ATP8B4: variants seen among roughly 807,000 people sequenced by gnomAD.
ATP8B4 encodes the protein ATPase phospholipid transporting 8B4 (putative), also known as probable phospholipid-transporting ATPase IM.
In ATP8B4, 133 loss-of-function variants were observed where a neutral mutation model predicts 145.6. The observed-to-expected ratio is 0.91, with a 90% confidence interval of 0.79 to 1.05. The LOEUF (loss-of-function observed/expected upper bound fraction) is 1.05. Among genes scored for constraint, ATP8B4 ranks in the 50% least tolerant of loss-of-function variants. The pLI is 0.00. For synonymous variants in ATP8B4, 507 were observed against 492.9 expected, an observed-to-expected ratio of 1.03 and a Z score of -0.38; for missense variants, 1,458 against 1,425.2, an observed-to-expected ratio of 1.02 and a Z score of -0.37.
intron 1 of ATP8B4, among the ~76,000 whole-genome samples, chr15:50,153,609 T>A (rs2044375397): frequency 6.6e-6 from 1 of 151,558 alleles, no homozygotes; most frequent in Non-Finnish European, 1.5e-5. Flanking sequence ...AGTGCTGGGA[T>A]TACAGGCATG....
At chr15:49,938,331 C>T (rs1450270483) in intron 14 of ATP8B4, among the ~76,000 whole-genome samples, 1 of 152,076 alleles carries the variant, frequency 6.6e-6, no homozygotes, top group Non-Finnish European at 1.5e-5. Context: ...ACTTAAAAGG[C>T]ACACAGAGGC....
intron 2 of ATP8B4, among the ~76,000 whole-genome samples, chr15:50,091,978 G>A (rs934769335): frequency 3.9e-5 from 6 of 151,976 alleles, no homozygotes; most frequent in South Asian, 2.1e-4. Flanking sequence ...GCCAAGATCC[G>A]GAAGAAAAGA....
intron 1 of ATP8B4, among the ~76,000 whole-genome samples, chr15:50,137,253 T>C (rs6493405): frequency 0.99 from 150,476 of 152,336 alleles, 74,342 homozygotes; most frequent in East Asian, 1. Context: ...CCAAGTGGAG[T>C]TACCTAATAT....
At chr15:50,129,946 C>CAAAAAAAAAAAAA (rs59921497) in intron 1 of ATP8B4, among the ~76,000 whole-genome samples, 8 of 88,106 alleles carry the variant, frequency 9.1e-5, no homozygotes, top group Non-Finnish European at 1.3e-4. Flanking sequence ...GACTCTGACT[C>CAAAAAAAAAAAAA]AAAAAAAAAA....
At chr15:49,905,683 T>C (rs1020260094) in intron 20 of ATP8B4, among the ~76,000 whole-genome samples, 2 of 152,158 alleles carry the variant, frequency 1.3e-5, no homozygotes, top group African/African-American at 4.8e-5. Flanking sequence ...AAATATTGAG[T>C]CTAGCTGGAA....
In ATP8B4 at chr15:49,932,907, T is replaced by C. The variant is rs2041393098; in HGVS notation, c.1453+1110A>G. On this transcript the variant is annotated intron_variant, in intron 15 of 27. Transcript: ENST00000284509. Reference sequence around the variant, plus strand: ...GCCTAAATAGAACCCTCCTTATAATTGGAAGGGAAAAAAATATCTGCCAAG... The same window carrying C: ...GCCTAAATAGAACCCTCCTTATAATCGGAAGGGAAAAAAATATCTGCCAAG... 2.6e-5 allele frequency among the ~76,000 whole-genome samples: 4 copies of C among 152,066 alleles called. No individual in the cohort carries two copies. In the South Asian group the frequency reaches 8.3e-4, roughly 32 times the overall value.
Position 49,923,536 on chromosome 15 carries a change from T to C in ATP8B4, c.1643-42A>G, listed in dbSNP as rs372681910. 384 of 1,350,514 alleles carry C rather than the reference T, an allele frequency of 2.8e-4. 1 individual carries two copies. Among genetic ancestry groups the C allele is most frequent in the Non-Finnish European group, 3.9e-4 (376 of 965,198 alleles). 83.7% of individuals were successfully genotyped at this position (1,350,514 alleles called of 1,614,324 possible). A position where few individuals can be genotyped will look rare whatever the true frequency, so the allele number is the denominator to read the frequency against. ...TTGGAAAAGCAGAATATAATCAACG[T>C]CATACATCAAAATTAGATTCTCCCA... On this transcript the variant is annotated intron_variant, in intron 16 of 27. Transcript: ENST00000284509.
At chr15:49,968,135 T>C (rs2044724880) in intron 13 of ATP8B4, among the ~76,000 whole-genome samples, 1 of 152,028 alleles carries the variant, frequency 6.6e-6, no homozygotes, top group African/African-American at 2.4e-5. Flanking sequence ...GCACTAAATA[T>C]GGAAAGGAAA....
At chr15:50,114,676 T>A (rs924311325) in intron 1 of ATP8B4, among the ~76,000 whole-genome samples, 1 of 152,168 alleles carries the variant, frequency 6.6e-6, no homozygotes, top group Non-Finnish European at 1.5e-5. Flanking sequence ...TCCAGTTTTC[T>A]CCTCTGTGGA....
At chr15:50,157,907 G>A (rs865839483) in intron 1 of ATP8B4, among the ~76,000 whole-genome samples, 6 of 151,470 alleles carry the variant, frequency 4.0e-5, no homozygotes, top group East Asian at 2.0e-4. Context: ...GGCGCGTGCC[G>A]CCACGCCTGA....
chr15:50,018,512 C>G (rs2049277257), intron 6 of ATP8B4, among the ~76,000 whole-genome samples: 1 of 152,182 alleles, frequency 6.6e-6, no homozygotes, highest in Admixed American at 6.5e-5. Flanking sequence ...TAAACTATCT[C>G]TGTCTTCTGA....
intron 1 of ATP8B4, among the ~76,000 whole-genome samples, chr15:50,160,753 C>T (rs1228747985): frequency 6.6e-6 from 1 of 151,524 alleles, no homozygotes; most frequent in African/African-American, 2.4e-5. Context: ...ATATGATTTC[C>T]AATTTTTTGA....
At chr15:50,146,224 G>A (rs2044275505) in intron 1 of ATP8B4, among the ~76,000 whole-genome samples, 1 of 152,036 alleles carries the variant, frequency 6.6e-6, no homozygotes, top group Admixed American at 6.5e-5. Flanking sequence ...ATCTTGGCCA[G>A]GCTGGTCTTG....
At chr15:50,086,595 G>T (rs2055111039) in intron 2 of ATP8B4, among the ~76,000 whole-genome samples, 1 of 102,992 alleles carries the variant, frequency 9.7e-6, no homozygotes, top group Admixed American at 1.1e-4. Flanking sequence ...ATAATATAGA[G>T]ATCTATATTT....
chr15:50,126,255 A>C (rs904071028), intron 1 of ATP8B4, among the ~76,000 whole-genome samples: 4 of 151,844 alleles, frequency 2.6e-5, no homozygotes, highest in Non-Finnish European at 5.9e-5. Context: ...AAAAAAAAAA[A>C]ACACTTCACT....
intron 23 of ATP8B4, among the ~76,000 whole-genome samples, chr15:49,882,014 TTCTGGGCTAGCCA>T (rs2035500572): frequency 6.6e-6 from 1 of 152,228 alleles, no homozygotes; most frequent in African/African-American, 2.4e-5. Flanking sequence ...GCCTGATATT[TTCTGGGCTAGCCA>T]ACTGTCCTGC....
chr15:50,106,800 G>A (rs28416764), intron 2 of ATP8B4, 139 bp downstream of exon 2: 204,939 of 711,432 alleles, frequency 0.29, 34,589 homozygotes, highest in East Asian at 0.64. Context: ...AGTTACATGG[G>A]TGTATATAAT....
At chr15:49,944,297 T>C (rs1309041959) in intron 14 of ATP8B4, among the ~76,000 whole-genome samples, 1 of 152,156 alleles carries the variant, frequency 6.6e-6, no homozygotes, top group Non-Finnish European at 1.5e-5. Context: ...TAAAAAATCA[T>C]CACCCAACTA....
intron 3 of ATP8B4, among the ~76,000 whole-genome samples, chr15:50,064,916 T>G (rs563296967): frequency 1.3e-5 from 2 of 152,218 alleles, no homozygotes; most frequent in South Asian, 4.1e-4. Flanking sequence ...TCACTGTCAC[T>G]ATCATGAGAA....
Sources: allele counts gnomAD v4.1 joint callset (sites outside exome capture counted in the v4.1 genomes callset), GRCh38; gene constraint gnomAD v4.1.1; transcripts MANE v1.5; gene names NCBI Gene and HGNC (gene_info 2026-07-23, HGNC 2026-07-21).